NUP153: variants seen among roughly 807,000 people sequenced by gnomAD.
The protein encoded by NUP153 is nucleoporin 153.
Under a neutral mutation model 134.6 loss-of-function variants are expected in NUP153, and 27 were observed. That is an observed-to-expected ratio of 0.20 (90% CI 0.15 to 0.28). NUP153 has a LOEUF of 0.28. Ranked by LOEUF, NUP153 falls within the 10% of genes least tolerant of loss-of-function variation. The probability of loss-of-function intolerance (pLI) is 1.00; values close to 1 mark genes in which losing one functional copy is unlikely to be tolerated. For synonymous variants in NUP153, 640 were observed against 623.5 expected (o/e 1.03, Z -0.40); for missense variants, 1,821 against 1,731.3 (o/e 1.05, Z -0.92).
intron 5 of NUP153, among the ~76,000 whole-genome samples, chr6:17,672,953 T>C (rs1271563476): frequency 6.6e-6 from 1 of 152,050 alleles, no homozygotes; most frequent in East Asian, 1.9e-4. Flanking sequence ...GAAGAAAACA[T>C]AAGACAAAAT....
Position 17,683,799 on chromosome 6 carries a change from C to T in NUP153, c.334+4597G>A, listed in dbSNP as rs546761257. On this transcript the variant is annotated intron_variant, in intron 2 of 21. Transcript: ENST00000262077. ...TGGCTATCAAAATCCTAGATGGTAT[C>T]TTCTTCCAACGGCGGGCCATGTTTC... Among the ~76,000 whole-genome samples, 3 of 152,304 alleles carry T rather than the reference C, an allele frequency of 2.0e-5. No homozygotes were observed. In the South Asian group the frequency reaches 6.2e-4, roughly 32 times the overall value.
At chr6:17,654,496 A>G (rs1766691570) in intron 11 of NUP153, among the ~76,000 whole-genome samples, 1 of 151,920 alleles carries the variant, frequency 6.6e-6, no homozygotes, top group Non-Finnish European at 1.5e-5. Context: ...TAATTTTTGT[A>G]TTTTTAGTAC....
At chr6:17,700,589 C>G (rs1210207420) in intron 1 of NUP153, among the ~76,000 whole-genome samples, 1 of 152,140 alleles carries the variant, frequency 6.6e-6, no homozygotes, top group Non-Finnish European at 1.5e-5. Flanking sequence ...CTCTAAATAT[C>G]CCTCCTTTTC....
At chr6:17,648,013 T>A (rs1561873321) in intron 12 of NUP153, 108 bp from the exon 13 acceptor site, 1 of 693,854 alleles carries the variant, frequency 1.4e-6, no homozygotes, top group South Asian at 1.8e-5. Context: ...CTAAGTATTT[T>A]TTCCTTTTAA....
chr6:17,629,570 A>G, intron 17 of NUP153, 31 bp from the exon 18 acceptor site: 2 of 1,535,228 alleles, frequency 1.3e-6, no homozygotes, highest in Non-Finnish European at 1.7e-6. Context: ...CCACATAGAC[A>G]CTCAATGTAC....
intron 20 of NUP153, among the ~76,000 whole-genome samples, chr6:17,618,615 G>C (rs185290407): frequency 1.5e-4 from 22 of 150,286 alleles, no homozygotes; most frequent in Non-Finnish European, 2.7e-4. Context: ...GCCCAGGCTG[G>C]AGTGCAGTGG....
chr6:17,694,395 A>C (rs1769492886), intron 1 of NUP153, among the ~76,000 whole-genome samples: 1 of 152,136 alleles, frequency 6.6e-6, no homozygotes, highest in Admixed American at 6.5e-5. Context: ...CCGGTGGCTC[A>C]CGCCTGTAAT....
At position 17,706,120 on chromosome 6, in the gene NUP153, G is replaced by GC; in HGVS notation, c.111+156dup. On this transcript the variant is annotated intron_variant, in intron 1 of 21. Transcript: ENST00000262077. The surrounding 1 kb of genome is among the most constrained non-coding windows in gnomAD (Gnocchi z 5.9). The stretch of plus-strand genomic sequence containing the variant: ...GGCCTGTCTCAGCCCACTTCCCGTC[G>GC]CCACCCCCAACGGCCTGAGCTCCCC... The GC allele has an allele frequency of 1.6e-6, 1 of 632,726 alleles. No homozygotes were observed. The highest frequency in any genetic ancestry group is 2.7e-6 in the Non-Finnish European group (1 of 364,028). The allele number at this position is 632,726 out of a possible 1,614,324, so 39.2% of individuals were successfully genotyped here. A position where few individuals can be genotyped will look rare whatever the true frequency, so the allele number is the denominator to read the frequency against.
At chr6:17,630,388 G>A (rs1340788679) in intron 17 of NUP153, among the ~76,000 whole-genome samples, 1 of 152,178 alleles carries the variant, frequency 6.6e-6, no homozygotes, top group Non-Finnish European at 1.5e-5. Flanking sequence ...GACTGGGCGT[G>A]GTAGCTCACG....
rs200997130 is a variant in NUP153, at chr6:17,668,958, T to C, written c.1068+17A>G. The C allele has an allele frequency of 3.3e-6, 5 of 1,532,200 alleles. No homozygotes were observed. Among genetic ancestry groups the C allele is most frequent in the Non-Finnish European group, 3.5e-6 (4 of 1,130,734 alleles). The allele number at this position is 1,532,200 out of a possible 1,614,324, so 94.9% of individuals were successfully genotyped here. ...ATTGTAGACAGTTTAAATAACTAAA[T>C]GCTAAAGAAGTTTTACCTTTTCTCT... On this transcript the variant is annotated intron_variant, in intron 8 of 21. Coordinates refer to ENST00000262077, the MANE Select transcript of NUP153 (RefSeq NM_005124.4).
intron 9 of NUP153, among the ~76,000 whole-genome samples, chr6:17,664,051 T>C (rs1439472731): frequency 3.3e-5 from 5 of 151,752 alleles, no homozygotes; most frequent in Non-Finnish European, 7.4e-5. Context: ...TAAAACAAAA[T>C]CTAGTATATC....
chr6:17,674,780 T>C (rs1415148241), intron 5 of NUP153, 125 bp downstream of exon 5: 1 of 876,902 alleles, frequency 1.1e-6, no homozygotes, highest in East Asian at 3.3e-5. Flanking sequence ...CTCGAAAAAA[T>C]ATAAATAAAA....
At position 17,626,042 on chromosome 6, in the gene NUP153, C is replaced by T; in HGVS notation, c.3667G>A (p.Val1223Met). The T allele has an allele frequency of 1.2e-6, 2 of 1,614,190 alleles. No individual in the cohort carries two copies. The highest frequency in any genetic ancestry group is 1.7e-6 in the Non-Finnish European group (2 of 1,180,030). Residue 1223 changes from valine to methionine, a missense_variant, in exon 19 of 22, where the codon GTG becomes ATG. Val to Met is a conservative substitution (Grantham distance 21, BLOSUM62 1). Coordinates refer to ENST00000262077, the MANE Select transcript of NUP153 (RefSeq NM_005124.4). Reference protein sequence around the residue: ...GSSTSSSNPPVATFVFGQSSN... With the variant: ...GSSTSSSNPPMATFVFGQSSN... ...GACTGTCCAAACACAAAGGTAGCCA[C>T]AGGTGGATTGGAGGAAGAGGTGGAA...
chr6:17,631,972 A>C (rs564567063), intron 17 of NUP153, among the ~76,000 whole-genome samples: 83 of 152,196 alleles, frequency 5.5e-4, no homozygotes, highest in African/African-American at 1.9e-3. Context: ...TCTCAAAAAA[A>C]ACACAAAAAT....
At chr6:17,701,069 T>C (rs942354289) in intron 1 of NUP153, among the ~76,000 whole-genome samples, 2 of 151,880 alleles carry the variant, frequency 1.3e-5, no homozygotes, top group Admixed American at 1.3e-4. Flanking sequence ...CTACTAAAAA[T>C]ACAAAATTAG....
At chr6:17,626,904 T>G (rs1764979458) in intron 18 of NUP153, among the ~76,000 whole-genome samples, 1 of 152,234 alleles carries the variant, frequency 6.6e-6, no homozygotes, top group African/African-American at 2.4e-5. Context: ...ATGCCTTTTG[T>G]GTTCTTTTAG....
intron 11 of NUP153, among the ~76,000 whole-genome samples, chr6:17,660,386 A>G (rs552732506): frequency 5.1e-4 from 77 of 152,290 alleles, no homozygotes; most frequent in African/African-American, 1.7e-3. Context: ...GCTGAAATGC[A>G]TTTATAATAC....
chr6:17,686,721 T>G (rs956454721), intron 2 of NUP153, among the ~76,000 whole-genome samples: 13 of 151,760 alleles, frequency 8.6e-5, no homozygotes, highest in African/African-American at 2.7e-4. Context: ...AAAAAAAAAT[T>G]TTTTAAGTTT....
At chr6:17,641,283 C>T (rs1765823868) in intron 14 of NUP153, among the ~76,000 whole-genome samples, 1 of 151,994 alleles carries the variant, frequency 6.6e-6, no homozygotes, top group South Asian at 2.1e-4. Context: ...TGCCTGTAAT[C>T]CCAAGGACTT....
Sources: allele counts gnomAD v4.1 joint callset (sites outside exome capture counted in the v4.1 genomes callset), GRCh38; gene constraint gnomAD v4.1.1; non-coding constraint Gnocchi (gnomAD v3.1); transcripts MANE v1.5; gene names NCBI Gene and HGNC (gene_info 2026-07-23, HGNC 2026-07-21).